Variants in DCLK1 observed in about 807,000 individuals in gnomAD.
DCLK1 encodes the protein doublecortin like kinase 1.
A neutral mutation model predicts 86.2 loss-of-function variants in DCLK1; 16 were observed. The ratio of observed to expected loss-of-function variants is 0.19; its 90% CI spans 0.13 to 0.28. DCLK1 has a LOEUF of 0.28. Among genes scored for constraint, DCLK1 ranks in the 10% least tolerant of loss-of-function variants. DCLK1 has a pLI of 1.00. For synonymous variants in DCLK1, 369 were observed against 370.5 expected (o/e 1.00, Z 0.05); for missense variants, 590 against 940.2 (o/e 0.63, Z 4.87).
At chr13:35,797,444 C>T (rs538075326) in intron 15 of DCLK1, among the ~76,000 whole-genome samples, 9 of 152,290 alleles carry the variant, frequency 5.9e-5, no homozygotes, top group Non-Finnish European at 1.3e-4. Context: ...AGGTTCCTAG[C>T]AACTCTTTCA....
At chr13:35,874,671 A>T (rs991019486) in intron 4 of DCLK1, among the ~76,000 whole-genome samples, 1 of 152,242 alleles carries the variant, frequency 6.6e-6, no homozygotes, top group Admixed American at 6.5e-5. Flanking sequence ...AAAAGATAGG[A>T]GTAACCAAGA....
intron 4 of DCLK1, among the ~76,000 whole-genome samples, chr13:35,902,628 T>A (rs1171059): frequency 0.065 from 9,945 of 152,166 alleles, 1,051 homozygotes; most frequent in African/African-American, 0.22. Flanking sequence ...AACAGAATAA[T>A]GGAACTGGAA....
At chr13:35,991,509 A>T (rs573042860) in intron 3 of DCLK1, among the ~76,000 whole-genome samples, 22 of 152,012 alleles carry the variant, frequency 1.4e-4, no homozygotes, top group Non-Finnish European at 2.9e-4. Context: ...AAAAATTTAA[A>T]AAATTAGCCA....
At chr13:35,969,597 C>A (rs1185152971) in intron 3 of DCLK1, among the ~76,000 whole-genome samples, 1 of 152,166 alleles carries the variant, frequency 6.6e-6, no homozygotes, top group East Asian at 1.9e-4. Flanking sequence ...TTTATTAAGG[C>A]AGCCCTGGGA....
chr13:35,958,058 AACCACTAGCACC>A (rs1878134532), intron 3 of DCLK1, among the ~76,000 whole-genome samples: 8 of 68,318 alleles, frequency 1.2e-4, no homozygotes, highest in African/African-American at 1.8e-4. Context: ...TCACCACTAT[AACCACTAGCACC>A]ACCACCACTA....
At chr13:36,075,412 T>C (rs544893457) in intron 3 of DCLK1, among the ~76,000 whole-genome samples, 3 of 152,248 alleles carry the variant, frequency 2.0e-5, no homozygotes, top group Admixed American at 6.5e-5. Flanking sequence ...ATGAAATAAA[T>C]AAGGCAGAGA....
rs947905673 is a variant in DCLK1, at chr13:36,013,953, T to G, written c.724-66496A>C. On this transcript the variant is annotated intron_variant, in intron 3 of 16. Coordinates refer to ENST00000360631, the MANE Select transcript of DCLK1 (RefSeq NM_001330071.2). The stretch of plus-strand genomic sequence containing the variant: ...TGGTGCGCTGTTTTTTAAGCCGGTC[T>G]GAAAAGCACAATATTCGCCAGGTGC... Among the ~76,000 whole-genome samples the G allele has an allele frequency of 2.0e-5, 3 of 152,204 alleles. No homozygotes were observed. In the East Asian group the frequency reaches 5.8e-4, roughly 29 times the overall value.
intron 11 of DCLK1, among the ~76,000 whole-genome samples, chr13:35,812,219 T>A (rs952647890): frequency 2.5e-4 from 38 of 152,310 alleles, no homozygotes; most frequent in African/African-American, 8.2e-4. Flanking sequence ...AAAGAAAAGA[T>A]GAAAGGGCGT....
intron 3 of DCLK1, among the ~76,000 whole-genome samples, chr13:36,109,126 C>A (rs949461686): frequency 1.3e-5 from 2 of 152,176 alleles, no homozygotes. Context: ...ACGAATAAGT[C>A]TTTATGTTCT....
chr13:36,085,277 A>C (rs1884551937), intron 3 of DCLK1, among the ~76,000 whole-genome samples: 1 of 152,214 alleles, frequency 6.6e-6, no homozygotes, highest in Non-Finnish European at 1.5e-5. Flanking sequence ...AATATAAAGC[A>C]AATGGACCCT....
intron 4 of DCLK1, among the ~76,000 whole-genome samples, chr13:35,877,858 C>T (rs1872674246): frequency 6.6e-6 from 1 of 152,162 alleles, no homozygotes; most frequent in African/African-American, 2.4e-5. Flanking sequence ...ACATTCAGTT[C>T]CAGAGGCATT....
At chr13:36,108,996 G>A (rs1283726774) in intron 3 of DCLK1, among the ~76,000 whole-genome samples, 1 of 152,102 alleles carries the variant, frequency 6.6e-6, no homozygotes, top group African/African-American at 2.4e-5. Context: ...TCTCTGCCAG[G>A]GTTGTCAAAA....
intron 3 of DCLK1, among the ~76,000 whole-genome samples, chr13:36,039,663 G>A (rs969058414): frequency 1.3e-5 from 2 of 151,606 alleles, no homozygotes; most frequent in African/African-American, 4.8e-5. Flanking sequence ...CAAATACACT[G>A]CCCTTCTATC....
chr13:35,940,008 T>C (rs944606412), intron 4 of DCLK1, among the ~76,000 whole-genome samples: 1 of 152,046 alleles, frequency 6.6e-6, no homozygotes, highest in Admixed American at 6.6e-5. Flanking sequence ...TAAACAATAT[T>C]AAACGTCTGT....
At chr13:36,128,144 C>T (rs1046176713) in intron 1 of DCLK1, among the ~76,000 whole-genome samples, 5 of 152,086 alleles carry the variant, frequency 3.3e-5, no homozygotes, top group Non-Finnish European at 7.4e-5. Flanking sequence ...CACCTGAAAG[C>T]ATGACTAGAG....
intron 8 of DCLK1, among the ~76,000 whole-genome samples, chr13:35,830,611 A>T (rs866430440): frequency 6.6e-6 from 1 of 152,202 alleles, no homozygotes; most frequent in African/African-American, 2.4e-5. Context: ...TTACTAAAAA[A>T]TTATGATAAA....
At chr13:35,972,486 A>G (rs566675709) in intron 3 of DCLK1, among the ~76,000 whole-genome samples, 1 of 152,316 alleles carries the variant, frequency 6.6e-6, no homozygotes, top group East Asian at 1.9e-4. Flanking sequence ...TTTGCTTATC[A>G]ATTTATGATA....
intron 1 of DCLK1, among the ~76,000 whole-genome samples, chr13:36,130,815 C>A (rs924508798): frequency 6.6e-6 from 1 of 152,200 alleles, no homozygotes. Flanking sequence ...TCTCCACTAA[C>A]AACGCGAAAA....
chr13:36,125,383 C>T (rs1028424520), intron 2 of DCLK1, among the ~76,000 whole-genome samples: 1 of 152,122 alleles, frequency 6.6e-6, no homozygotes, highest in Admixed American at 6.6e-5. Flanking sequence ...ATCCATTTGT[C>T]ATTTTCAATT....
Sources: gnomAD v4.1 joint callset for allele counts (sites outside exome capture counted in the v4.1 genomes callset) on GRCh38, gnomAD v4.1.1 for gene constraint, MANE v1.5 for transcripts, NCBI Gene and HGNC (gene_info 2026-07-23, HGNC 2026-07-21) for gene names.